The following FOXP1 variants were observed in gnomAD, a reference collection of about 807,000 sequenced individuals.
The protein encoded by FOXP1 is forkhead box protein P1.
FOXP1 carries 15 observed loss-of-function variants against 98.2 expected under a neutral mutation model. That is an observed-to-expected ratio of 0.15 (90% CI 0.10 to 0.24). The LOEUF (loss-of-function observed/expected upper bound fraction) is 0.24. FOXP1 is among the 10% of genes least tolerant of loss of function. The pLI is 1.00. For missense variants in FOXP1, 633 were observed against 848.5 expected, an observed-to-expected ratio of 0.75 and a Z score of 3.15; for synonymous variants, 371 against 314.5, an observed-to-expected ratio of 1.18 and a Z score of -1.90.
chr3:71,091,471 C>T (rs1296959985), intron 7 of FOXP1, among the ~76,000 whole-genome samples: 2 of 151,666 alleles, frequency 1.3e-5, no homozygotes, highest in African/African-American at 4.9e-5. Context: ...GCCTGGGTGA[C>T]AGAGCAAGAC....
chr3:71,567,692 G>C (rs948335680), intron 2 of FOXP1, among the ~76,000 whole-genome samples: 8 of 152,112 alleles, frequency 5.3e-5, no homozygotes, highest in Admixed American at 1.3e-4. Context: ...GATGGGGCTC[G>C]ATTAGCTTGC....
chr3:71,305,329 T>C (rs1240724491), intron 4 of FOXP1, among the ~76,000 whole-genome samples: 1 of 152,134 alleles, frequency 6.6e-6, no homozygotes, highest in Non-Finnish European at 1.5e-5. Flanking sequence ...AGGCTGTCAT[T>C]TTCCCCCCAG....
At chr3:71,142,248 T>C (rs908118267) in intron 6 of FOXP1, among the ~76,000 whole-genome samples, 1 of 152,092 alleles carries the variant, frequency 6.6e-6, no homozygotes, top group Non-Finnish European at 1.5e-5. Context: ...ATTTTTAAGG[T>C]TGTAATGTCA....
At chr3:71,358,318 G>C (rs1315071596) in intron 4 of FOXP1, among the ~76,000 whole-genome samples, 1 of 152,106 alleles carries the variant, frequency 6.6e-6, no homozygotes, top group Non-Finnish European at 1.5e-5. Context: ...TCAACAGCTA[G>C]TCCATCAACT....
At position 71,093,874 on chromosome 3, in the gene FOXP1, C is replaced by T. The variant is rs546565757; in HGVS notation, c.282+18662G>A. ...TAGATATTGTTGATGGTGATGGTAA[C>T]GATAAAAATCAATAATCTTCTCATG... On this transcript the variant is annotated intron_variant, in intron 7 of 20. Transcript: ENST00000649528. Among the ~76,000 whole-genome samples the T allele has an allele frequency of 3.3e-5, 5 of 152,208 alleles. No homozygotes were observed. In the East Asian group the frequency reaches 5.8e-4, roughly 18 times the overall value.
At chr3:71,126,866 A>AC (rs199526422) in intron 6 of FOXP1, among the ~76,000 whole-genome samples, 4 of 126,922 alleles carry the variant, frequency 3.2e-5, no homozygotes, top group African/African-American at 1.1e-4. Context: ...AAAAAAAAAA[A>AC]CAAACAAAAA....
chr3:71,268,251 C>T (rs1013370125), intron 5 of FOXP1, among the ~76,000 whole-genome samples: 13 of 151,610 alleles, frequency 8.6e-5, no homozygotes, highest in African/African-American at 1.2e-4. Flanking sequence ...CCACCTCGCC[C>T]GGCTAATTTA....
At chr3:71,066,282 T>TA (rs1232727850) in intron 7 of FOXP1, among the ~76,000 whole-genome samples, 14 of 152,208 alleles carry the variant, frequency 9.2e-5, no homozygotes, top group Non-Finnish European at 1.9e-4. Flanking sequence ...ATTCCCTCTT[T>TA]ACTCTGGCTG....
chr3:71,316,658 TTC>T (rs2075092831), intron 4 of FOXP1, among the ~76,000 whole-genome samples: 1 of 151,398 alleles, frequency 6.6e-6, no homozygotes, highest in Admixed American at 6.6e-5. Flanking sequence ...TTAGGGCATA[TTC>T]TTTTTTTTTT....
intron 3 of FOXP1, among the ~76,000 whole-genome samples, chr3:71,400,568 G>C (rs2081893714): frequency 6.6e-6 from 1 of 152,136 alleles, no homozygotes; most frequent in South Asian, 2.1e-4. Context: ...ATGTTGGCCA[G>C]GCTGGTCTTG....
At chr3:71,362,582 A>G (rs2078647364) in intron 3 of FOXP1, among the ~76,000 whole-genome samples, 1 of 151,814 alleles carries the variant, frequency 6.6e-6, no homozygotes, top group African/African-American at 2.4e-5. Context: ...CCATCCTCCC[A>G]CCTCAGCCTC....
intron 11 of FOXP1, among the ~76,000 whole-genome samples, chr3:71,034,216 G>T (rs2047276034): frequency 6.6e-6 from 1 of 152,140 alleles, no homozygotes; most frequent in African/African-American, 2.4e-5. Context: ...GAAAAGATAG[G>T]TCTGGCCCCA....
At chr3:71,173,383 T>TCA (rs3064895) in intron 6 of FOXP1, among the ~76,000 whole-genome samples, 12,280 of 143,204 alleles carry the variant, frequency 0.086, 846 homozygotes, top group African/African-American at 0.2. Context: ...AAGAAAAAAT[T>TCA]CACACACACA....
intron 5 of FOXP1, among the ~76,000 whole-genome samples, chr3:71,212,325 C>G (rs1170942864): frequency 2.0e-5 from 3 of 152,166 alleles, no homozygotes; most frequent in Non-Finnish European, 1.5e-5. Flanking sequence ...CCTCATGAAC[C>G]TCCACGCTAT....
chr3:71,040,865 C>A (rs763923001), intron 11 of FOXP1, among the ~76,000 whole-genome samples: 1 of 152,110 alleles, frequency 6.6e-6, no homozygotes, highest in Non-Finnish European at 1.5e-5. Flanking sequence ...CTCCAGGGCA[C>A]AATGATGAAA....
intron 9 of FOXP1, among the ~76,000 whole-genome samples, chr3:71,050,148 C>G (rs527518774): frequency 6.6e-6 from 1 of 152,296 alleles, no homozygotes; most frequent in East Asian, 1.9e-4. Flanking sequence ...CACTCCCTTC[C>G]CAAACTCAGG....
intron 2 of FOXP1, among the ~76,000 whole-genome samples, chr3:71,502,624 G>A (rs530348013): frequency 2.2e-4 from 34 of 152,148 alleles, no homozygotes; most frequent in Non-Finnish European, 2.9e-4. Context: ...CTGGGTTGCC[G>A]GTAACCAAGG....
At chr3:71,157,764 T>C (rs1254908591) in intron 6 of FOXP1, among the ~76,000 whole-genome samples, 1 of 152,072 alleles carries the variant, frequency 6.6e-6, no homozygotes, top group African/African-American at 2.4e-5. Flanking sequence ...CTAGTCAAGG[T>C]GCCTGTCCTC....
chr3:70,980,745 T>C (rs2038688317), intron 14 of FOXP1, among the ~76,000 whole-genome samples: 2 of 152,220 alleles, frequency 1.3e-5, no homozygotes, highest in South Asian at 4.1e-4. Context: ...ATAAGGCAGT[T>C]ACTCCTACAA....
Sources: allele counts gnomAD v4.1 joint callset (sites outside exome capture counted in the v4.1 genomes callset), GRCh38; gene constraint gnomAD v4.1.1; transcripts MANE v1.5; gene names NCBI Gene and HGNC (gene_info 2026-07-23, HGNC 2026-07-21).